Variants in DDR2 observed in about 807,000 individuals in gnomAD.
The protein encoded by DDR2 is discoidin domain-containing receptor 2.
DDR2 carries 27 observed loss-of-function variants against 94.9 expected under a neutral mutation model. That is an observed-to-expected ratio of 0.28 (90% CI 0.21 to 0.39). The LOEUF is 0.39. Among genes scored for constraint, DDR2 ranks in the 10% least tolerant of loss-of-function variants. DDR2 has a pLI of 1.00. For synonymous variants in DDR2, 382 were observed against 377.2 expected, an observed-to-expected ratio of 1.01 and a Z score of -0.15; for missense variants, 783 against 1,076.0, an observed-to-expected ratio of 0.73 and a Z score of 3.81.
rs2102138578 is a variant in DDR2 at position 162,755,752 on chromosome 1, T to C, written c.654T>C (p.Asp218=). 6.2e-7 allele frequency: 1 copy of C among 1,614,126 alleles called. No homozygotes were observed. The highest frequency in any genetic ancestry group is 1.3e-5 in the African/African-American group (1 of 75,048). Residue 218 remains aspartate, a synonymous_variant, in exon 7 of 18, where the codon GAT becomes GAC. Transcript: ENST00000367921. The part of the protein sequence containing the change: ...SIIYLNDSVY[D]GAVGYSMTEG... ...TTTATCTGAATGATTCTGTCTATGATGGAGCTGTTGGATACAGGTAAATCC... is the reference window on the plus strand; with the variant it reads ...TTTATCTGAATGATTCTGTCTATGACGGAGCTGTTGGATACAGGTAAATCC...
intron 3 of DDR2, among the ~76,000 whole-genome samples, chr1:162,744,256 C>T (rs1026592224): frequency 6.6e-6 from 1 of 152,250 alleles, no homozygotes; most frequent in African/African-American, 2.4e-5. Context: ...ATCTCTAGAA[C>T]GTATTAATCT....
Position 162,687,841 on chromosome 1 carries a change from A to C in DDR2, c.-27-31196A>C, listed in dbSNP as rs576308847. ...AACAAATAATGAGTATTTAGGGCAC[A>C]TATGCCAAGCATTAATGGGGTCACG... On this transcript the variant is annotated intron_variant, in intron 2 of 17. Transcript: ENST00000367921. Among the ~76,000 whole-genome samples, 22 of 152,290 alleles carry C rather than the reference A, an allele frequency of 1.4e-4. No individual in the cohort carries two copies. The South Asian group carries it at 4.6e-3, about 32-fold the overall frequency.
chr1:162,702,419 A>G (rs2101997617), intron 2 of DDR2, among the ~76,000 whole-genome samples: 1 of 152,332 alleles, frequency 6.6e-6, no homozygotes, highest in African/African-American at 2.4e-5. Flanking sequence ...CCAACAATGT[A>G]TCATCTCCTA....
intron 2 of DDR2, among the ~76,000 whole-genome samples, chr1:162,695,230 C>G (rs921658364): frequency 6.6e-6 from 1 of 152,078 alleles, no homozygotes; most frequent in African/African-American, 2.4e-5. Flanking sequence ...AATAAAGCAG[C>G]TCTTTTTTCT....
At chr1:162,775,948 G>A in intron 15 of DDR2, 105 bp downstream of exon 15, 4 of 1,497,980 alleles carry the variant, frequency 2.7e-6, no homozygotes, top group African/African-American at 1.4e-5. Context: ...TTCTGGGATG[G>A]TGGGGGAAGT....
chr1:162,733,841 G>A (rs1336413570), intron 3 of DDR2, among the ~76,000 whole-genome samples: 1 of 152,164 alleles, frequency 6.6e-6, no homozygotes, highest in Non-Finnish European at 1.5e-5. Context: ...CTCCGTTGGA[G>A]TTTGTTACTT....
rs144633656 is a variant in DDR2 at position 162,744,968 on chromosome 1, G to A, written c.83-8127G>A. On this transcript the variant is annotated intron_variant, in intron 3 of 17. Coordinates refer to ENST00000367921, the MANE Select transcript of DDR2 (RefSeq NM_006182.4). ...TACATTCCCACTAACAGTTTATAAG[G>A]GTTCCAGTTTCTCTACATCCTTGCC... Among the ~76,000 whole-genome samples, 940 of 152,142 alleles carry A rather than the reference G, an allele frequency of 6.2e-3. 9 individuals are homozygous for A. The highest frequency in any genetic ancestry group is 8.5e-3 in the Non-Finnish European group (579 of 67,992).
chr1:162,648,515 C>T (rs1420372307), intron 1 of DDR2, among the ~76,000 whole-genome samples: 2 of 151,986 alleles, frequency 1.3e-5, no homozygotes, highest in African/African-American at 4.8e-5. Context: ...GAAGTGTTGT[C>T]TTAAGATGTG....
intron 2 of DDR2, among the ~76,000 whole-genome samples, chr1:162,656,859 G>GTTTTTTTTTTTTTTTTT (rs200020368): frequency 9.3e-6 from 1 of 107,208 alleles, no homozygotes; most frequent in Non-Finnish European, 1.8e-5. Flanking sequence ...TATTTTTTTT[G>GTTTTTTTTTTTTTTTTT]TTAACAGGGT....
chr1:162,751,297 A>G (rs1351706553), intron 3 of DDR2, among the ~76,000 whole-genome samples: 2 of 152,184 alleles, frequency 1.3e-5, no homozygotes, highest in East Asian at 3.8e-4. Flanking sequence ...AACATTTATA[A>G]GAAAAAAAAT....
intron 14 of DDR2, 37 bp from the exon 15 acceptor site, chr1:162,775,615 C>A: frequency 6.2e-7 from 1 of 1,608,538 alleles, no homozygotes; most frequent in Non-Finnish European, 8.5e-7. Flanking sequence ...CTGACTCTGG[C>A]AACTTCTGAG....
At chr1:162,775,088 A>C (rs1647455627) in intron 14 of DDR2, among the ~76,000 whole-genome samples, 1 of 152,146 alleles carries the variant, frequency 6.6e-6, no homozygotes, top group African/African-American at 2.4e-5. Flanking sequence ...ACAGCCTTTA[A>C]AGAGCTCTGT....
intron 2 of DDR2, among the ~76,000 whole-genome samples, chr1:162,715,760 G>C (rs1352885921): frequency 6.6e-6 from 1 of 152,214 alleles, no homozygotes; most frequent in Non-Finnish European, 1.5e-5. Flanking sequence ...TTGAGTTACT[G>C]TGAATATTGT....
intron 3 of DDR2, among the ~76,000 whole-genome samples, chr1:162,739,239 G>A (rs9427407): frequency 0.84 from 123,746 of 147,032 alleles, 52,822 homozygotes; most frequent in Non-Finnish European, 0.92. Flanking sequence ...CAGAATCTAC[G>A]ATGAACTCAA....
Position 162,719,115 on chromosome 1 carries a change from T to C in DDR2, c.52T>C (p.Leu18=). The C allele has an allele frequency of 6.2e-7, 1 of 1,613,842 alleles. No individual in the cohort carries two copies. Among genetic ancestry groups the C allele is most frequent in the Non-Finnish European group, 8.5e-7 (1 of 1,179,800 alleles). ...GGTGCTGTTCCTGCTGCTGCCTATC[T>C]TGAGTTCTGCAAAAGCTCAGGTTAA... ...LLVLFLLLPI[L]SSAKAQVNPA... The change falls in exon 3 of 18, where the codon TTG becomes CTG. Residue 18 remains leucine (L), a synonymous_variant. Transcript: ENST00000367921.
chr1:162,636,398 CT>C (rs1656821329), intron 1 of DDR2, among the ~76,000 whole-genome samples: 1 of 152,138 alleles, frequency 6.6e-6, no homozygotes, highest in African/African-American at 2.4e-5. Flanking sequence ...TGGATATTGT[CT>C]GTAATGGATC....
rs113462589 is a variant in DDR2 at position 162,742,441 on chromosome 1, G to A, written c.83-10654G>A. On this transcript the variant is annotated intron_variant, in intron 3 of 17. Coordinates refer to ENST00000367921, the MANE Select transcript of DDR2 (RefSeq NM_006182.4). ...AGTGGGAGCAGGCATGTCACATGGC[G>A]AAAGCAGGAGCCAGACAGAGAGAGT... Among the ~76,000 whole-genome samples, 716 of 152,342 alleles carry A rather than the reference G, an allele frequency of 4.7e-3. 4 individuals are homozygous for A. Among genetic ancestry groups the A allele is most frequent in the African/African-American group, 0.016 (686 of 41,590 alleles).
chr1:162,749,912 C>A (rs1240366914), intron 3 of DDR2, among the ~76,000 whole-genome samples: 1 of 152,202 alleles, frequency 6.6e-6, no homozygotes. Flanking sequence ...ACAAAAACCA[C>A]ATGATTATCT....
At chr1:162,754,586 A>G (rs1429946017) in intron 4 of DDR2, 38 bp from the exon 5 acceptor site, 1 of 1,603,378 alleles carries the variant, frequency 6.2e-7, no homozygotes. Context: ...CTGTGGTTTC[A>G]TGGTTGCTCC....
Sources: gnomAD v4.1 joint callset for allele counts (sites outside exome capture counted in the v4.1 genomes callset) on GRCh38, gnomAD v4.1.1 for gene constraint, MANE v1.5 for transcripts, NCBI Gene and HGNC (gene_info 2026-07-23, HGNC 2026-07-21) for gene names.